GALNTL6: variants seen among roughly 807,000 people sequenced by gnomAD.
GALNTL6 encodes polypeptide N-acetylgalactosaminyltransferase-like 6.
A neutral mutation model predicts 73.7 loss-of-function variants in GALNTL6; 46 were observed. The ratio of observed to expected loss-of-function variants is 0.62; its 90% CI spans 0.49 to 0.80. The LOEUF is 0.80. Among genes scored for constraint, GALNTL6 ranks in the 30% least tolerant of loss-of-function variants. The pLI is 0.00. For missense variants in GALNTL6, 604 were observed against 755.0 expected (o/e 0.80, Z 2.34); for synonymous variants, 259 against 263.7 (o/e 0.98, Z 0.17).
At chr4:172,378,114 T>A (rs1365314444) in intron 5 of GALNTL6, among the ~76,000 whole-genome samples, 1 of 152,224 alleles carries the variant, frequency 6.6e-6, no homozygotes, top group East Asian at 1.9e-4. Flanking sequence ...CTATCATACT[T>A]TTCCAGTCAC....
intron 4 of GALNTL6, among the ~76,000 whole-genome samples, chr4:172,319,234 G>A (rs1340297635): frequency 6.6e-6 from 1 of 152,198 alleles, no homozygotes; most frequent in Non-Finnish European, 1.5e-5. Context: ...GTAATCACTA[G>A]CACTTAGATT....
intron 5 of GALNTL6, among the ~76,000 whole-genome samples, chr4:172,482,236 T>C (rs1453525731): frequency 6.6e-6 from 1 of 152,168 alleles, no homozygotes; most frequent in Non-Finnish European, 1.5e-5. Flanking sequence ...GCAGCCCTGA[T>C]TCCCACCTGC....
chr4:172,321,892 C>G (rs1374084438), intron 4 of GALNTL6, among the ~76,000 whole-genome samples: 1 of 152,140 alleles, frequency 6.6e-6, no homozygotes, highest in Non-Finnish European at 1.5e-5. Flanking sequence ...AGGCAGTCTT[C>G]TAAGAGAGAG....
intron 5 of GALNTL6, among the ~76,000 whole-genome samples, chr4:172,747,158 A>G (rs1327839845): frequency 6.6e-6 from 1 of 152,182 alleles, no homozygotes; most frequent in Non-Finnish European, 1.5e-5. Flanking sequence ...TAGTGAAAGC[A>G]AAAACGAGAT....
intron 2 of GALNTL6, among the ~76,000 whole-genome samples, chr4:172,006,264 G>A (rs1039603967): frequency 1.3e-5 from 2 of 152,144 alleles, no homozygotes; most frequent in Non-Finnish European, 2.9e-5. Flanking sequence ...AGGGCAGTTA[G>A]GCATGTTTTT....
chr4:173,003,637 G>C (rs1294852771), intron 10 of GALNTL6, among the ~76,000 whole-genome samples: 1 of 152,132 alleles, frequency 6.6e-6, no homozygotes, highest in African/African-American at 2.4e-5. Context: ...AGGCATGATC[G>C]TCTTCATTTT....
intron 2 of GALNTL6, among the ~76,000 whole-genome samples, chr4:172,031,586 G>A (rs1038970180): frequency 6.6e-6 from 1 of 152,028 alleles, no homozygotes; most frequent in Non-Finnish European, 1.5e-5. Context: ...GAGTGGCAAG[G>A]AAGTATTAAA....
At chr4:171,835,880 G>T (rs1250303672) in intron 2 of GALNTL6, among the ~76,000 whole-genome samples, 3 of 151,844 alleles carry the variant, frequency 2.0e-5, no homozygotes, top group Non-Finnish European at 2.9e-5. Flanking sequence ...AGTGATAATG[G>T]TTTACTGTAA....
intron 7 of GALNTL6, among the ~76,000 whole-genome samples, chr4:172,846,021 TA>T (rs1349657634): frequency 6.6e-6 from 1 of 152,230 alleles, no homozygotes; most frequent in Non-Finnish European, 1.5e-5. Context: ...TGTAACAATC[TA>T]AATGTCCACA....
At chr4:172,483,862 G>A (rs1263937968) in intron 5 of GALNTL6, among the ~76,000 whole-genome samples, 1 of 152,110 alleles carries the variant, frequency 6.6e-6, no homozygotes, top group Non-Finnish European at 1.5e-5. Context: ...AGACTAGAAA[G>A]GTGGATGAAA....
chr4:172,952,599 T>A (rs575150697), intron 10 of GALNTL6, among the ~76,000 whole-genome samples: 1 of 151,740 alleles, frequency 6.6e-6, no homozygotes, highest in East Asian at 2.0e-4. Flanking sequence ...CACTGCAACC[T>A]CCACTTCCCA....
chr4:172,689,011 G>T (rs1231496008), intron 5 of GALNTL6, among the ~76,000 whole-genome samples: 1 of 151,846 alleles, frequency 6.6e-6, no homozygotes, highest in Non-Finnish European at 1.5e-5. Context: ...ACAGAAATTA[G>T]CTCACACTAC....
Position 172,459,298 on chromosome 4 carries a change from C to A in GALNTL6, c.553+110609C>A, listed in dbSNP as rs1044875166. Among the ~76,000 whole-genome samples, 6 of 152,096 alleles carry A rather than the reference C, an allele frequency of 3.9e-5. 1 individual carries two copies. The highest frequency in any genetic ancestry group is 1.4e-4 in the African/African-American group (6 of 41,442). On this transcript the variant is annotated intron_variant, in intron 5 of 12. Coordinates refer to ENST00000506823, the MANE Select transcript of GALNTL6 (RefSeq NM_001034845.3). ...AGCTGGAAGCATTCCCTTTGAAAACCAGCACAAGACAAGGTTGCCCTCTCT... is the reference window on the plus strand; with the variant it reads ...AGCTGGAAGCATTCCCTTTGAAAACAAGCACAAGACAAGGTTGCCCTCTCT...
chr4:172,189,909 A>G (rs1028720057), intron 2 of GALNTL6, among the ~76,000 whole-genome samples: 4 of 152,214 alleles, frequency 2.6e-5, no homozygotes, highest in African/African-American at 7.2e-5. Flanking sequence ...TATTCAGCGT[A>G]TAATCACTAT....
chr4:172,770,841 A>G (rs1017301475), intron 5 of GALNTL6, among the ~76,000 whole-genome samples: 1 of 152,194 alleles, frequency 6.6e-6, no homozygotes, highest in Non-Finnish European at 1.5e-5. Flanking sequence ...ATTAAATGTT[A>G]TCATCATACT....
chr4:172,861,067 G>T (rs1450242501), intron 7 of GALNTL6, among the ~76,000 whole-genome samples: 1 of 152,076 alleles, frequency 6.6e-6, no homozygotes. Context: ...AGAGAAACTT[G>T]GATGCTATTT....
intron 2 of GALNTL6, among the ~76,000 whole-genome samples, chr4:171,883,545 A>G (rs1736518785): frequency 6.6e-6 from 1 of 152,090 alleles, no homozygotes; most frequent in Admixed American, 6.5e-5. Flanking sequence ...GTATGTGCTT[A>G]GGCATATTAT....
intron 10 of GALNTL6, among the ~76,000 whole-genome samples, chr4:172,954,961 G>A (rs1174653034): frequency 6.6e-6 from 1 of 152,164 alleles, no homozygotes; most frequent in Admixed American, 6.5e-5. Flanking sequence ...TAGAGGATGG[G>A]AGGAAGGCAA....
chr4:172,232,440 A>T (rs1244200158), intron 3 of GALNTL6, among the ~76,000 whole-genome samples: 2 of 150,704 alleles, frequency 1.3e-5, no homozygotes, highest in South Asian at 4.2e-4. Context: ...ATTTTCTGTA[A>T]CATTGTCCTC....
Sources: allele counts gnomAD v4.1 joint callset (sites outside exome capture counted in the v4.1 genomes callset), GRCh38; gene constraint gnomAD v4.1.1; transcripts MANE v1.5; gene names NCBI Gene and HGNC (gene_info 2026-07-23, HGNC 2026-07-21).